Variants in DNM3 observed in about 807,000 individuals in gnomAD.
DNM3 encodes the protein dynamin 3, also known as dynamin-3.
A neutral mutation model predicts 101.6 loss-of-function variants in DNM3; 47 were observed. The observed-to-expected ratio is 0.46, with a 90% CI of 0.37 to 0.59. DNM3 has a LOEUF of 0.59. Among genes scored for constraint, DNM3 ranks in the 20% least tolerant of loss-of-function variants. The pLI is 0.00. For synonymous variants in DNM3, 385 were observed against 387.9 expected (o/e 0.99, Z 0.09); for missense variants, 849 against 1,085.7 (o/e 0.78, Z 3.06).
chr1:172,355,557 T>G (rs1416390588), intron 17 of DNM3, among the ~76,000 whole-genome samples: 1 of 152,182 alleles, frequency 6.6e-6, no homozygotes, highest in Non-Finnish European at 1.5e-5. Flanking sequence ...AGCCCTGTTC[T>G]GTAGCATTTG....
intron 1 of DNM3, among the ~76,000 whole-genome samples, chr1:171,872,924 A>G (rs1398080199): frequency 6.6e-6 from 1 of 152,226 alleles, no homozygotes; most frequent in African/African-American, 2.4e-5. Context: ...CATGAACTGT[A>G]AAGTATTACA....
At chr1:172,149,488 G>A (rs1267769081) in intron 14 of DNM3, among the ~76,000 whole-genome samples, 1 of 152,124 alleles carries the variant, frequency 6.6e-6, no homozygotes, top group East Asian at 1.9e-4. Context: ...GAAAATTGTT[G>A]CTGGCCTTTT....
At chr1:172,136,975 A>G (rs1166536371) in intron 14 of DNM3, 2 of 152,170 alleles carry the variant, frequency 1.3e-5, no homozygotes, top group African/African-American at 4.8e-5. Flanking sequence ...TTTAAGGAAA[A>G]ATATTGAAAA....
chr1:171,892,920 T>C (rs1166216965), intron 1 of DNM3, among the ~76,000 whole-genome samples: 1 of 151,974 alleles, frequency 6.6e-6, no homozygotes, highest in East Asian at 1.9e-4. Context: ...GGAGCTCAGG[T>C]GGTAATGCTG....
At chr1:172,168,477 A>C (rs1283578098) in intron 14 of DNM3, among the ~76,000 whole-genome samples, 3 of 152,004 alleles carry the variant, frequency 2.0e-5, no homozygotes, top group Admixed American at 6.6e-5. Context: ...CTGATTGAGA[A>C]CAGCTCTCTG....
At chr1:171,892,241 A>C (rs966237738) in intron 1 of DNM3, among the ~76,000 whole-genome samples, 6 of 152,042 alleles carry the variant, frequency 3.9e-5, no homozygotes, top group Non-Finnish European at 1.5e-5. Flanking sequence ...CTCCTGGATC[A>C]TCATCTATAT....
intron 12 of DNM3, 56 bp from the exon 13 acceptor site, chr1:172,092,768 G>A: frequency 2.7e-6 from 4 of 1,502,584 alleles, no homozygotes; most frequent in South Asian, 2.6e-5. Flanking sequence ...TTTGTTACTT[G>A]TTTAGGAAAA....
chr1:172,173,006 A>C (rs2059019227), intron 14 of DNM3, among the ~76,000 whole-genome samples: 1 of 151,886 alleles, frequency 6.6e-6, no homozygotes, highest in Non-Finnish European at 1.5e-5. Context: ...CTACCATTAC[A>C]GGTGGTGAAT....
intron 10 of DNM3, among the ~76,000 whole-genome samples, chr1:172,054,503 C>G (rs886978212): frequency 6.6e-6 from 1 of 152,012 alleles, no homozygotes; most frequent in Non-Finnish European, 1.5e-5. Flanking sequence ...AGAGGAACAT[C>G]TTGATTTTTT....
At chr1:172,377,544 GATATATATCATATATAT>G (rs1292473680) in intron 17 of DNM3, among the ~76,000 whole-genome samples, 1 of 85,050 alleles carries the variant, frequency 1.2e-5, no homozygotes, top group African/African-American at 6.1e-5. Context: ...TGCTCTCATT[GATATATATCATATATAT>G]ATATATATAT....
chr1:172,337,654 G>A (rs1352396557), intron 17 of DNM3, among the ~76,000 whole-genome samples: 1 of 151,994 alleles, frequency 6.6e-6, no homozygotes, highest in Non-Finnish European at 1.5e-5. Context: ...TAGTATCAAT[G>A]TTCAGTTGGG....
At position 171,894,640 on chromosome 1, in the gene DNM3, G is replaced by T. The variant is rs1384496891; in HGVS notation, c.162-27108G>T. ...TAGGGTACATGTGCACAATGTGCAG[G>T]TTTGTTACATAGGTATGCATGTGCC... On this transcript the variant is annotated intron_variant, in intron 1 of 20. Transcript: ENST00000627582. 2.6e-5 allele frequency among the ~76,000 whole-genome samples: 4 copies of T among 151,990 alleles called. No homozygotes were observed. In the East Asian group the frequency reaches 7.7e-4, roughly 29 times the overall value.
At chr1:172,128,189 T>C (rs1004708127) in intron 13 of DNM3, among the ~76,000 whole-genome samples, 5 of 152,182 alleles carry the variant, frequency 3.3e-5, no homozygotes, top group African/African-American at 1.2e-4. Flanking sequence ...TGCTTGGAGT[T>C]TTACCGCTAC....
At chr1:171,902,932 C>G (rs781746661) in intron 1 of DNM3, among the ~76,000 whole-genome samples, 1 of 152,056 alleles carries the variant, frequency 6.6e-6, no homozygotes. Context: ...GCGGGAAGAT[C>G]GCTTTAGTCC....
At chr1:171,843,323 C>T (rs2031562009) in intron 1 of DNM3, among the ~76,000 whole-genome samples, 1 of 152,014 alleles carries the variant, frequency 6.6e-6, no homozygotes, top group Non-Finnish European at 1.5e-5. Context: ...AAGCATTTTG[C>T]CTACGTCATC....
chr1:171,889,029 G>A (rs1317412648), intron 1 of DNM3, among the ~76,000 whole-genome samples: 1 of 152,068 alleles, frequency 6.6e-6, no homozygotes, highest in Non-Finnish European at 1.5e-5. Flanking sequence ...ACTCAGGCTG[G>A]ATTGCAGTGG....
At chr1:171,979,784 T>C (rs191331607) in intron 2 of DNM3, among the ~76,000 whole-genome samples, 1 of 152,352 alleles carries the variant, frequency 6.6e-6, no homozygotes, top group African/African-American at 2.4e-5. Context: ...AATTTCAAGA[T>C]GGCATTAATA....
downstream of DNM3, among the ~76,000 whole-genome samples, chr1:172,413,481 C>G (rs2149141768): frequency 6.6e-6 from 1 of 152,324 alleles, no homozygotes; most frequent in South Asian, 2.1e-4. Context: ...CCCGCCTCGG[C>G]TTCCCAAAGT....
At chr1:172,055,165 C>T (rs377226030) in intron 10 of DNM3, among the ~76,000 whole-genome samples, 3 of 152,180 alleles carry the variant, frequency 2.0e-5, no homozygotes, top group Non-Finnish European at 4.4e-5. Flanking sequence ...CATCTCTAAA[C>T]TCATCTTCTC....
Sources: allele counts gnomAD v4.1 joint callset (sites outside exome capture counted in the v4.1 genomes callset), GRCh38; gene constraint gnomAD v4.1.1; transcripts MANE v1.5; gene names NCBI Gene and HGNC (gene_info 2026-07-23, HGNC 2026-07-21).